Variants in UNC80 observed in about 807,000 individuals in gnomAD.
The protein encoded by UNC80 is protein unc-80 homolog.
A neutral mutation model predicts 384.6 loss-of-function variants in UNC80; 164 were observed. The observed-to-expected ratio is 0.43, with a 90% CI of 0.38 to 0.49. UNC80 has a LOEUF of 0.49. Ranked by LOEUF, UNC80 falls within the 20% of genes least tolerant of loss-of-function variation. UNC80 has a pLI of 0.00. For synonymous variants in UNC80, 1,486 were observed against 1,527.8 expected (o/e 0.97, Z 0.64); for missense variants, 3,330 against 4,143.0 (o/e 0.80, Z 5.39).
chr2:209,928,763 C>T (rs892745452), intron 36 of UNC80, among the ~76,000 whole-genome samples: 6 of 152,178 alleles, frequency 3.9e-5, no homozygotes, highest in African/African-American at 9.6e-5. Flanking sequence ...CTAAAGAACA[C>T]TGAAACTTAT....
At chr2:209,930,002 T>G in intron 37 of UNC80, 31 bp downstream of exon 37, 8 of 1,431,482 alleles carry the variant, frequency 5.6e-6, no homozygotes, top group Non-Finnish European at 7.6e-6. Flanking sequence ...AGTGTAGCTC[T>G]GTGGCTACAA....
At chr2:209,991,608 T>C (rs113646833) in intron 61 of UNC80, among the ~76,000 whole-genome samples, 2,526 of 152,270 alleles carry the variant, frequency 0.017, 67 homozygotes, top group African/African-American at 0.056. Context: ...AAACCATTTT[T>C]AAAAAAACAT....
At position 209,905,855 on chromosome 2, in the gene UNC80, C is replaced by G. The variant is rs113839714; in HGVS notation, c.4782+890C>G. ...GCTGGCAGGAGATGAAGACAGTGACCAGGGCTGCTGTGCTTCTGCCAGGGA... is the reference window on the plus strand; with the variant it reads ...GCTGGCAGGAGATGAAGACAGTGACGAGGGCTGCTGTGCTTCTGCCAGGGA... On this transcript the variant is annotated intron_variant, in intron 29 of 64. Transcript: ENST00000673920. Among the ~76,000 whole-genome samples the G allele has an allele frequency of 1.8e-3, 270 of 152,260 alleles. 1 individual carries two copies. Among genetic ancestry groups the G allele is most frequent in the African/African-American group, 6.3e-3 (261 of 41,544 alleles).
At position 209,969,817 on chromosome 2, in the gene UNC80, T is replaced by C; in HGVS notation, c.8056T>C (p.Leu2686=). The change falls in exon 53 of 65, where the codon TTG becomes CTG. Residue 2686 remains leucine (L), a synonymous_variant. Transcript: ENST00000673920. ...PASNLIEGVC[L]TLQRQPIISF... is the part of the protein sequence containing the mutation. ...CAGCAATTTGATTGAAGGGGTTTGT[T>C]TGACACTTCAGAGGCAGCCAATCAT... The C allele has an allele frequency of 6.4e-7, 1 of 1,551,678 alleles. No homozygotes were observed. Among genetic ancestry groups the C allele is most frequent in the East Asian group, 2.4e-5 (1 of 40,922 alleles).
At position 209,831,517 on chromosome 2, in the gene UNC80, G is replaced by A. The variant is rs146821032; in HGVS notation, c.2701G>A (p.Val901Ile). The A allele has an allele frequency of 4.1e-5, 63 of 1,551,298 alleles. No homozygotes were observed. The highest frequency in any genetic ancestry group is 2.6e-4 in the African/African-American group (19 of 73,120). The change falls in exon 16 of 65, where the codon GTC becomes ATC. Residue 901 changes from valine to isoleucine, a missense_variant. By Grantham distance (29) the Val-to-Ile change is conservative. Coordinates refer to ENST00000673920, the MANE Select transcript of UNC80 (RefSeq NM_001371986.1). ...AGCCCAAAATGTGGAAGGCATTATC[G>A]TCAGCGCCATGTTTAAATCCCTCAT... is the stretch of plus-strand genomic sequence containing the variant. The part of the protein sequence containing the change: ...STAQNVEGII[V>I]SAMFKSLITR...
At chr2:209,983,450 A>G (rs570677086) in intron 60 of UNC80, among the ~76,000 whole-genome samples, 2 of 152,326 alleles carry the variant, frequency 1.3e-5, no homozygotes, top group South Asian at 4.1e-4. Flanking sequence ...AAATTGTTTT[A>G]CCTACCATTT....
Position 209,813,671 on chromosome 2 carries a change from T to C in UNC80, c.1030T>C (p.Ser344Pro), listed in dbSNP as rs1418992338. ...VLRCLLQPHW[S>P]EEGTQWSLMY... The stretch of plus-strand genomic sequence containing the variant: ...GCGCTGCCTACTTCAGCCCCATTGG[T>C]CTGAGGAAGGCACTCAGTGGTCTCT... The change falls in exon 8 of 65, where the codon TCT becomes CCT. Residue 344 changes from serine to proline, a missense_variant. This residue lies in a region of UNC80 where 937 missense variants were observed against 1,026.8 expected (regional missense o/e 0.91). Coordinates refer to ENST00000673920, the MANE Select transcript of UNC80 (RefSeq NM_001371986.1). 1.3e-6 allele frequency: 2 copies of C among 1,551,744 alleles called. No homozygotes were observed. The highest frequency in any genetic ancestry group is 1.7e-6 in the Non-Finnish European group (2 of 1,146,992).
rs890269898 is a variant in UNC80 at position 209,819,060 on chromosome 2, C to T, written c.1761C>T (p.Gly587=). ...FNTTLASFNV[G]YADFFNEHMR... is the part of the protein sequence containing the mutation. ...CCACTTTGGCGTCATTCAACGTAGG[C>T]TATGCAGACTTTTTCAATGAGCATA... Residue 587 remains glycine (G), a synonymous_variant, in exon 12 of 65, where the codon GGC becomes GGT. Transcript: ENST00000673920. 3.2e-6 allele frequency: 5 copies of T among 1,551,774 alleles called. No individual in the cohort carries two copies. The African/African-American group carries it at 6.8e-5, about 21-fold the overall frequency.
intron 7 of UNC80, chr2:209,795,781 G>A (rs763299606): frequency 1.3e-5 from 2 of 152,236 alleles, no homozygotes; most frequent in Non-Finnish European, 2.9e-5. Flanking sequence ...AAGAATTGAG[G>A]TTTGGGAACC....
intron 23 of UNC80, among the ~76,000 whole-genome samples, chr2:209,873,827 T>A (rs979318052): frequency 6.6e-6 from 1 of 152,220 alleles, no homozygotes; most frequent in Non-Finnish European, 1.5e-5. Flanking sequence ...ACCCATATCT[T>A]TTTTGCAAAG....
intron 7 of UNC80, among the ~76,000 whole-genome samples, chr2:209,797,864 A>G (rs1469872926): frequency 6.6e-6 from 1 of 152,210 alleles, no homozygotes; most frequent in Non-Finnish European, 1.5e-5. Flanking sequence ...GACTGGCATG[A>G]GATGGTATCT....
chr2:209,786,420 G>A lies in UNC80; in HGVS notation c.724+231G>A, dbSNP rs1014228309. Among the ~76,000 whole-genome samples the A allele has an allele frequency of 3.3e-5, 5 of 152,150 alleles. No individual in the cohort carries two copies. In the East Asian group the frequency reaches 9.6e-4, roughly 29 times the overall value. On this transcript the variant is annotated intron_variant, in intron 5 of 64. Coordinates refer to ENST00000673920, the MANE Select transcript of UNC80 (RefSeq NM_001371986.1). ...TTCCTGTGCCTCAGCTTCCTCATCT[G>A]TAAACTGGGAATTTAAATATCATAT...
chr2:209,839,116 A>G lies in UNC80; in HGVS notation c.3042-106A>G, dbSNP rs556586613. The G allele has an allele frequency of 5.8e-6, 6 of 1,031,350 alleles. No individual in the cohort carries two copies. In the East Asian group the frequency reaches 1.3e-4, roughly 22 times the overall value. 63.9% of individuals were successfully genotyped at this position (1,031,350 alleles called of 1,614,324 possible). A position where few individuals can be genotyped will look rare whatever the true frequency, so the allele number is the denominator to read the frequency against. ...CCCACATTTCAGCCCATCAAAGATC[A>G]TTTTGCATGATTTGCCTAAATATCA... is the stretch of plus-strand genomic sequence containing the variant. On this transcript the variant is annotated intron_variant, in intron 18 of 64. Coordinates refer to ENST00000673920, the MANE Select transcript of UNC80 (RefSeq NM_001371986.1). This position sits in a 1 kb window ranked among gnomAD's most constrained non-coding sequence, Gnocchi z 4.1.
At chr2:209,773,685 A>G (rs1259221478) in intron 2 of UNC80, among the ~76,000 whole-genome samples, 2 of 152,194 alleles carry the variant, frequency 1.3e-5, no homozygotes, top group Non-Finnish European at 2.9e-5. Context: ...GCCACCTGCA[A>G]GTGTGAAGTC....
chr2:209,871,942 G>A (rs1369488954), intron 22 of UNC80, among the ~76,000 whole-genome samples: 1 of 147,482 alleles, frequency 6.8e-6, no homozygotes, highest in Non-Finnish European at 1.5e-5. Context: ...GCCTATTTAA[G>A]TATAATCCAG....
At chr2:209,937,704 A>G (rs1240520616) in intron 42 of UNC80, 74 bp downstream of exon 42, 8 of 1,182,242 alleles carry the variant, frequency 6.8e-6, no homozygotes, top group East Asian at 2.6e-5. Context: ...TACTTTGCCA[A>G]CTTTGAGATT....
intron 62 of UNC80, 36 bp from the exon 63 acceptor site, chr2:209,993,279 C>A: frequency 4.7e-6 from 7 of 1,499,668 alleles, no homozygotes; most frequent in South Asian, 1.2e-5. Context: ...GGCAGTTAGA[C>A]CCTCTTGCAA....
At chr2:209,911,362 A>G (rs2088918309) in intron 29 of UNC80, among the ~76,000 whole-genome samples, 1 of 152,324 alleles carries the variant, frequency 6.6e-6, no homozygotes, top group African/African-American at 2.4e-5. Flanking sequence ...AAGCAAAGCA[A>G]TAGTTATCTC....
At position 209,771,967 on chromosome 2, in the gene UNC80, C is replaced by T. The variant is rs1188205471; in HGVS notation, c.-106C>T. On this transcript the variant is annotated 5_prime_UTR_variant, in exon 1 of 65. Transcript: ENST00000673920. ...AGGGCGGAGAGAGCCGGCTCTGCCT[C>T]GGGGAAGGAGGGGATGAGAGTTGGG... 3.7e-6 allele frequency: 3 copies of T among 801,776 alleles called. No homozygotes were observed. The highest frequency in any genetic ancestry group is 4.1e-5 in the Admixed American group (2 of 48,746). 49.7% of individuals were successfully genotyped at this position (801,776 alleles called of 1,614,324 possible). A position where few individuals can be genotyped will look rare whatever the true frequency, so the allele number is the denominator to read the frequency against.
Sources: gnomAD v4.1 joint callset for allele counts (sites outside exome capture counted in the v4.1 genomes callset) on GRCh38, gnomAD v4.1.1 for gene constraint, gnomAD v4.1.1 regional missense constraint, Gnocchi (gnomAD v3.1) non-coding constraint, MANE v1.5 for transcripts, NCBI Gene and HGNC (gene_info 2026-07-23, HGNC 2026-07-21) for gene names.